The following TRAPPC11 variants were observed in gnomAD, a reference collection of about 807,000 sequenced individuals.
TRAPPC11 encodes the protein foie gras homolog.
In TRAPPC11, 104 loss-of-function variants were observed where a neutral mutation model predicts 151.2. The observed-to-expected ratio is 0.69, with a 90% CI of 0.59 to 0.81. The LOEUF (loss-of-function observed/expected upper bound fraction) is 0.81. TRAPPC11 is among the 30% of genes least tolerant of loss of function. The probability of loss-of-function intolerance (pLI) is 0.00; values close to 1 mark genes in which losing one functional copy is unlikely to be tolerated. For synonymous variants in TRAPPC11, 456 were observed against 472.3 expected (o/e 0.97, Z 0.45); for missense variants, 1,230 against 1,349.6 (o/e 0.91, Z 1.39).
chr4:183,694,061 G>T, intron 22 of TRAPPC11, 23 bp downstream of exon 22: 2 of 1,609,352 alleles, frequency 1.2e-6, no homozygotes, highest in Non-Finnish European at 1.7e-6. Context: ...AACTGGGATT[G>T]AAGAGGAAAT....
At chr4:183,711,468 C>T (rs1737337594) in intron 29 of TRAPPC11, among the ~76,000 whole-genome samples, 3 of 152,182 alleles carry the variant, frequency 2.0e-5, no homozygotes, top group Admixed American at 6.5e-5. Flanking sequence ...GTAAAAGCTA[C>T]ATTTGGCAGG....
intron 1 of TRAPPC11, among the ~76,000 whole-genome samples, chr4:183,661,452 AG>A (rs1269084193): frequency 2.8e-5 from 4 of 143,790 alleles, no homozygotes; most frequent in African/African-American, 1.0e-4. Flanking sequence ...GCTCACTGCA[AG>A]CTCCGCCTCC....
In TRAPPC11 at chr4:183,683,957, G is replaced by A. The variant is rs1324421610; in HGVS notation, c.1208-18G>A. 1.2e-6 allele frequency: 2 copies of A among 1,600,862 alleles called. No homozygotes were observed. The highest frequency in any genetic ancestry group is 1.7e-6 in the Non-Finnish European group (2 of 1,168,122). On this transcript the variant is annotated intron_variant, in intron 11 of 29. Coordinates refer to ENST00000334690, the MANE Select transcript of TRAPPC11 (RefSeq NM_021942.6). ...TTAAATGAGCTGTCTAAAATGAGTT[G>A]TGTCTCATCTTACGCAGGTTTTGAT...
At chr4:183,682,357 A>C (rs545713256) in intron 10 of TRAPPC11, among the ~76,000 whole-genome samples, 315 of 152,368 alleles carry the variant, frequency 2.1e-3, no homozygotes, top group Admixed American at 3.8e-3. Flanking sequence ...GAAGGAAAAT[A>C]GTGTCTTCTT....
intron 10 of TRAPPC11, among the ~76,000 whole-genome samples, chr4:183,681,149 T>C (rs910710249): frequency 6.6e-6 from 1 of 151,352 alleles, no homozygotes; most frequent in African/African-American, 2.4e-5. Context: ...TATATAAATA[T>C]ATTTATATTT....
Position 183,663,876 on chromosome 4 carries a change from C to T in TRAPPC11, c.9C>T (p.Pro3=), listed in dbSNP as rs1162072971. The change falls in exon 2 of 30, where the codon CCC becomes CCT. Residue 3 remains proline (P), a synonymous_variant. Coordinates refer to ENST00000334690, the MANE Select transcript of TRAPPC11 (RefSeq NM_021942.6). ...TTTGTGACATCGTAAACATGAGCCC[C>T]ACACAGTGGGACTTCCCTGTGGAAT... The part of the protein sequence containing the change: MS[P]TQWDFPVELC... 2.5e-6 allele frequency: 4 copies of T among 1,613,566 alleles called. No homozygotes were observed. The East Asian group carries it at 8.9e-5, about 36-fold the overall frequency.
chr4:183,707,254 A>ATGTGTGTGTGTGTGTG (rs10576583), intron 28 of TRAPPC11, among the ~76,000 whole-genome samples: 6 of 148,674 alleles, frequency 4.0e-5, no homozygotes, highest in African/African-American at 1.2e-4. Context: ...GTGTGTGTTT[A>ATGTGTGTGTGTGTGTG]TGTGTGTGTG....
chr4:183,710,349 C>T lies in TRAPPC11; in HGVS notation c.3357+1775C>T, dbSNP rs370550338. Among the ~76,000 whole-genome samples, 32 of 151,810 alleles carry T rather than the reference C, an allele frequency of 2.1e-4. 1 individual carries two copies. In the East Asian group the frequency reaches 4.5e-3, roughly 21 times the overall value. ...TTGCCCAGGCTGGAGTGCAGTGGCCCGATGTCTGCTCACTGCAAGCTCTGC... is the reference window on the plus strand; with the variant it reads ...TTGCCCAGGCTGGAGTGCAGTGGCCTGATGTCTGCTCACTGCAAGCTCTGC... On this transcript the variant is annotated intron_variant, in intron 29 of 29. Coordinates refer to ENST00000334690, the MANE Select transcript of TRAPPC11 (RefSeq NM_021942.6).
intron 23 of TRAPPC11, among the ~76,000 whole-genome samples, chr4:183,695,323 G>C (rs7693550): frequency 6.6e-6 from 1 of 152,092 alleles, no homozygotes; most frequent in South Asian, 2.1e-4. Context: ...AAATCTGTAA[G>C]TTGACTTACA....
At position 183,693,909 on chromosome 4, in the gene TRAPPC11, T is replaced by C. The variant is rs192208221; in HGVS notation, c.2387-8T>C. ...TTTGTTTTGAAGAACCAATATTAAC[T>C]CTTTTAGGACAGGATGCCAATTTAA... On this transcript the variant is annotated splice_polypyrimidine_tract_variant and splice_region_variant and intron_variant, in intron 21 of 29. Coordinates refer to ENST00000334690, the MANE Select transcript of TRAPPC11 (RefSeq NM_021942.6). The C allele has an allele frequency of 3.9e-5, 63 of 1,611,812 alleles. No homozygotes were observed. In the African/African-American group the frequency reaches 5.6e-4, roughly 14 times the overall value.
chr4:183,700,758 A>G (rs1308732635), intron 25 of TRAPPC11: 1 of 152,140 alleles, frequency 6.6e-6, no homozygotes, highest in Non-Finnish European at 1.5e-5. Flanking sequence ...CAGATTTTGG[A>G]ATATTTGCAT....
At chr4:183,687,344 T>C (rs1736033493) in intron 18 of TRAPPC11, among the ~76,000 whole-genome samples, 1 of 152,096 alleles carries the variant, frequency 6.6e-6, no homozygotes, top group South Asian at 2.1e-4. Flanking sequence ...ATACTTTTTT[T>C]TTCTGTCTTT....
At position 183,663,977 on chromosome 4, in the gene TRAPPC11, G is replaced by C. The variant is rs1404818689; in HGVS notation, c.110G>C (p.Trp37Ser). The C allele has an allele frequency of 1.2e-6, 2 of 1,613,950 alleles. No individual in the cohort carries two copies. Among genetic ancestry groups the C allele is most frequent in the East Asian group, 4.5e-5 (2 of 44,876 alleles). ...VVYNAVHRAVWDAFCANRRAD... is the reference protein window; with the variant it reads ...VVYNAVHRAVSDAFCANRRAD... ...TATAATGCAGTCCATCGAGCTGTCT[G>C]GGACGCCTTCTGTGCAAATCGGAGA... Residue 37 changes from tryptophan (W) to serine (S), a missense_variant, in exon 2 of 30, where the codon TGG becomes TCG. Physicochemically the swap from Trp to Ser is radical, Grantham distance 177 (BLOSUM62 -3). Coordinates refer to ENST00000334690, the MANE Select transcript of TRAPPC11 (RefSeq NM_021942.6).
chr4:183,670,301 G>A (rs1403330598), intron 5 of TRAPPC11, among the ~76,000 whole-genome samples: 1 of 152,186 alleles, frequency 6.6e-6, no homozygotes, highest in African/African-American at 2.4e-5. Context: ...CAAATCTTTT[G>A]TATTGGAGAA....
chr4:183,661,836 A>G (rs1255287208), intron 1 of TRAPPC11, among the ~76,000 whole-genome samples: 1 of 133,694 alleles, frequency 7.5e-6, no homozygotes, highest in Middle Eastern at 4.8e-3. Flanking sequence ...ATCATAGTTC[A>G]CTGTAACTTT....
intron 28 of TRAPPC11, 54 bp from the exon 29 acceptor site, chr4:183,708,353 A>T: frequency 6.5e-7 from 1 of 1,537,598 alleles, no homozygotes; most frequent in East Asian, 2.3e-5. Flanking sequence ...CAACATATAG[A>T]TATTGCACAT....
intron 18 of TRAPPC11, among the ~76,000 whole-genome samples, chr4:183,687,299 G>GTA (rs10588362): frequency 1.8e-5 from 2 of 110,988 alleles, no homozygotes; most frequent in African/African-American, 8.7e-5. Flanking sequence ...GTGTGTGTGT[G>GTA]TATATATATA....
chr4:183,661,405 T>A (rs1424287461), intron 1 of TRAPPC11, among the ~76,000 whole-genome samples: 1 of 127,916 alleles, frequency 7.8e-6, no homozygotes, highest in Non-Finnish European at 1.6e-5. Flanking sequence ...GTCTCCTCGC[T>A]CTGTCGCCCA....
At chr4:183,706,448 G>A (rs564155381) in intron 27 of TRAPPC11, among the ~76,000 whole-genome samples, 65 of 152,000 alleles carry the variant, frequency 4.3e-4, no homozygotes, top group Admixed American at 2.4e-3. Flanking sequence ...GCGTGAACCC[G>A]GGAGGCGGAG....
Sources: allele counts gnomAD v4.1 joint callset (sites outside exome capture counted in the v4.1 genomes callset), GRCh38; gene constraint gnomAD v4.1.1; transcripts MANE v1.5; gene names NCBI Gene and HGNC (gene_info 2026-07-23, HGNC 2026-07-21).